LRBA: variants seen among roughly 807,000 people sequenced by gnomAD.
LRBA encodes LPS responsive beige-like anchor protein.
A neutral mutation model predicts 330.0 loss-of-function variants in LRBA; 176 were observed. The observed-to-expected ratio is 0.53, with a 90% CI of 0.47 to 0.60. LRBA has a LOEUF of 0.60. LRBA is among the 20% of genes least tolerant of loss of function. LRBA has a pLI of 0.00. For synonymous variants in LRBA, 1,230 were observed against 1,193.0 expected (o/e 1.03, Z -0.64); for missense variants, 3,259 against 3,444.8 (o/e 0.95, Z 1.35).
chr4:150,538,425 G>A (rs942081373), intron 40 of LRBA, among the ~76,000 whole-genome samples: 1 of 152,130 alleles, frequency 6.6e-6, no homozygotes, highest in African/African-American at 2.4e-5. Flanking sequence ...AGGAAATATG[G>A]TACATATAGA....
At chr4:150,744,879 C>T (rs1283209440) in intron 35 of LRBA, among the ~76,000 whole-genome samples, 1 of 152,150 alleles carries the variant, frequency 6.6e-6, no homozygotes, top group Non-Finnish European at 1.5e-5. Flanking sequence ...AATTAGGGTA[C>T]TTTACATGCC....
At chr4:150,690,229 C>T (rs571707920) in intron 36 of LRBA, among the ~76,000 whole-genome samples, 5 of 152,124 alleles carry the variant, frequency 3.3e-5, no homozygotes, top group East Asian at 1.9e-4. Context: ...GTAGGCCGGG[C>T]GCTGTGGCTC....
Position 150,265,626 on chromosome 4 carries a change from A to C in LRBA, c.*96T>G. ...CTTTAAAAAATATTTTGCTTCTTTG[A>C]GCAAATTTAAGTTACATTCAGATGT... On this transcript the variant is annotated 3_prime_UTR_variant, in exon 57 of 57. Coordinates refer to ENST00000651943, the MANE Select transcript of LRBA (RefSeq NM_001364905.1). 1.2e-6 allele frequency: 1 copy of C among 818,328 alleles called. No individual in the cohort carries two copies. Among genetic ancestry groups the C allele is most frequent in the Non-Finnish European group, 2.1e-6 (1 of 486,796 alleles). 50.7% of individuals were successfully genotyped at this position (818,328 alleles called of 1,614,324 possible). A position where few individuals can be genotyped will look rare whatever the true frequency, so the allele number is the denominator to read the frequency against.
intron 42 of LRBA, among the ~76,000 whole-genome samples, chr4:150,475,238 T>C (rs961734561): frequency 6.6e-6 from 1 of 152,192 alleles, no homozygotes; most frequent in African/African-American, 2.4e-5. Context: ...GCATTTTTCT[T>C]GTTAGTTTTC....
chr4:150,616,707 C>T (rs1431397879), intron 37 of LRBA, among the ~76,000 whole-genome samples: 1 of 152,128 alleles, frequency 6.6e-6, no homozygotes, highest in African/African-American at 2.4e-5. Context: ...AAGAGAAACT[C>T]AGCAAGTAGA....
chr4:150,461,358 C>A (rs546301416), intron 44 of LRBA, among the ~76,000 whole-genome samples: 3 of 151,924 alleles, frequency 2.0e-5, no homozygotes, highest in African/African-American at 7.2e-5. Context: ...TGTACATACA[C>A]TCAAACAAAT....
At chr4:150,636,817 T>A (rs1222486192) in intron 37 of LRBA, among the ~76,000 whole-genome samples, 1 of 152,144 alleles carries the variant, frequency 6.6e-6, no homozygotes, top group Non-Finnish European at 1.5e-5. Context: ...CTGGCTAATT[T>A]TTAAATTTTG....
chr4:150,973,178 GTTTT>G (rs1739770477), intron 2 of LRBA, among the ~76,000 whole-genome samples: 1 of 151,580 alleles, frequency 6.6e-6, no homozygotes, highest in African/African-American at 2.4e-5. Flanking sequence ...TTGTTTGTTT[GTTTT>G]TGGAGACAAA....
intron 2 of LRBA, among the ~76,000 whole-genome samples, chr4:151,005,025 A>C (rs543446133): frequency 2.0e-5 from 3 of 152,298 alleles, no homozygotes; most frequent in East Asian, 1.9e-4. Context: ...AAAAAAGATA[A>C]GAAGTGGAGG....
intron 47 of LRBA, among the ~76,000 whole-genome samples, chr4:150,360,352 T>C (rs932205638): frequency 1.3e-5 from 2 of 151,384 alleles, no homozygotes; most frequent in Non-Finnish European, 2.9e-5. Context: ...TTTAATGACA[T>C]GGTAATATTT....
At chr4:150,469,854 C>A (rs543503970) in intron 43 of LRBA, among the ~76,000 whole-genome samples, 1 of 152,222 alleles carries the variant, frequency 6.6e-6, no homozygotes, top group Non-Finnish European at 1.5e-5. Context: ...CTCCTCTCTG[C>A]CCCAACCCAT....
intron 9 of LRBA, among the ~76,000 whole-genome samples, chr4:150,912,908 T>G (rs541978638): frequency 1.3e-5 from 2 of 152,314 alleles, no homozygotes; most frequent in South Asian, 4.1e-4. Flanking sequence ...TGCTTACATT[T>G]TGATTTCTCT....
At chr4:150,462,116 AGGTTGTCAAAAT>A (rs1488568577) in intron 44 of LRBA, among the ~76,000 whole-genome samples, 1 of 151,778 alleles carries the variant, frequency 6.6e-6, no homozygotes, top group African/African-American at 2.4e-5. Context: ...TCTTCCAAGG[AGGTTGTCAAAAT>A]ATAAAATCAA....
intron 37 of LRBA, among the ~76,000 whole-genome samples, chr4:150,660,063 G>A (rs866350616): frequency 9.9e-4 from 8 of 8,056 alleles, no homozygotes; most frequent in African/African-American, 1.4e-3. Context: ...CAGCCGCCCC[G>A]TCCGGGAGGG....
intron 30 of LRBA, among the ~76,000 whole-genome samples, chr4:150,821,485 AT>A (rs1011377171): frequency 1.0e-4 from 15 of 150,268 alleles, no homozygotes; most frequent in Admixed American, 1.3e-4. Context: ...CTGTTGCTGG[AT>A]TTTTTTTTTC....
chr4:150,903,925 C>A (rs546089890), intron 13 of LRBA, among the ~76,000 whole-genome samples: 10 of 152,262 alleles, frequency 6.6e-5, no homozygotes, highest in African/African-American at 2.4e-4. Context: ...CTATCTTGTT[C>A]ATCACCATAT....
intron 23 of LRBA, 132 bp from the exon 24 acceptor site, chr4:150,851,034 G>A (rs1437955667): frequency 1.2e-5 from 7 of 571,636 alleles, no homozygotes; most frequent in Non-Finnish European, 2.1e-5. Context: ...CCAAATTAGA[G>A]AAAGAAAAAT....
intron 47 of LRBA, among the ~76,000 whole-genome samples, chr4:150,400,608 C>T (rs776633512): frequency 1.3e-5 from 2 of 152,124 alleles, no homozygotes; most frequent in Non-Finnish European, 2.9e-5. Context: ...AATCCCAGCA[C>T]TTTGGGAGGA....
Position 150,893,044 on chromosome 4 carries a change from A to C in LRBA, c.2165+8T>G, listed in dbSNP as rs1384463023. On this transcript the variant is annotated splice_region_variant and intron_variant, in intron 17 of 56. Transcript: ENST00000651943. ...ATCCCTTATATGAAATAGATTAAAAACTCTTACCGTAACCCATTCCTTTGG... is the reference window on the plus strand; with the variant it reads ...ATCCCTTATATGAAATAGATTAAAACCTCTTACCGTAACCCATTCCTTTGG... 4 of 1,561,834 alleles carry C rather than the reference A, an allele frequency of 2.6e-6. No individual in the cohort carries two copies. The African/African-American group carries it at 5.5e-5, about 21-fold the overall frequency.
Sources: allele counts gnomAD v4.1 joint callset (sites outside exome capture counted in the v4.1 genomes callset), GRCh38; gene constraint gnomAD v4.1.1; transcripts MANE v1.5; gene names NCBI Gene and HGNC (gene_info 2026-07-23, HGNC 2026-07-21).